ATP1A1: variants seen among roughly 807,000 people sequenced by gnomAD.
The protein encoded by ATP1A1 is ATPase Na+/K+ transporting subunit alpha 1.
ATP1A1 carries 14 observed loss-of-function variants against 114.8 expected under a neutral mutation model. The observed-to-expected ratio is 0.12, with a 90% CI of 0.08 to 0.19. The LOEUF is 0.19. Ranked by LOEUF, ATP1A1 falls within the 10% of genes least tolerant of loss-of-function variation. The pLI is 1.00. For missense variants in ATP1A1, 524 were observed against 1,290.7 expected (o/e 0.41, Z 9.10); for synonymous variants, 471 against 466.3 (o/e 1.01, Z -0.13).
Position 116,393,016 on chromosome 1 carries a change from G to T in ATP1A1, c.1467+28G>T. The T allele has an allele frequency of 6.2e-7, 1 of 1,611,254 alleles. No homozygotes were observed. Among genetic ancestry groups the T allele is most frequent in the Admixed American group, 1.7e-5 (1 of 59,732 alleles). On this transcript the variant is annotated intron_variant, in intron 11 of 22. Transcript: ENST00000295598. This position sits in a 1 kb window ranked among gnomAD's most constrained non-coding sequence, Gnocchi z 5.0. ...CTGAAGATCGATGGGTACACGGAGG[G>T]CGAGGGCAAGCTGGGGGACAAAGAG...
At position 116,399,690 on chromosome 1, in the gene ATP1A1, T is replaced by C; in HGVS notation, c.2572+147T>C. 3 of 1,170,652 alleles carry C rather than the reference T, an allele frequency of 2.6e-6. No individual in the cohort carries two copies. The highest frequency in any genetic ancestry group is 3.5e-6 in the Non-Finnish European group (3 of 853,764). 72.5% of individuals were successfully genotyped at this position (1,170,652 alleles called of 1,614,324 possible). A position where few individuals can be genotyped will look rare whatever the true frequency, so the allele number is the denominator to read the frequency against. ...GCCCTAACGGAGTGAGCCTGTGGAGTTTCTCTGAACTCTCTTCCATGTGAG... is the reference window on the plus strand; with the variant it reads ...GCCCTAACGGAGTGAGCCTGTGGAGCTTCTCTGAACTCTCTTCCATGTGAG... On this transcript the variant is annotated intron_variant, in intron 18 of 22. Transcript: ENST00000295598. The surrounding 1 kb of genome is among the most constrained non-coding windows in gnomAD (Gnocchi z 5.0).
rs372871986 is a variant in ATP1A1, at chr1:116,390,805, G to C, written c.1246G>C (p.Ala416Pro). ...QSGVSFDKTS[A>P]TWLALSRIAG... ...AGGTGTCTCTTTTGACAAGACTTCA[G>C]CTACCTGGCTTGCTCTGTCCAGAAT... Residue 416 changes from alanine to proline, a missense_variant, in exon 10 of 23, where the codon GCT becomes CCT. By Grantham distance (27) the Ala-to-Pro change is conservative. This residue lies in a region of ATP1A1 where 143 missense variants were observed against 259.3 expected (regional missense o/e 0.55). Transcript: ENST00000295598. The C allele has an allele frequency of 1.2e-5, 19 of 1,614,180 alleles. No individual in the cohort carries two copies. The highest frequency in any genetic ancestry group is 1.5e-5 in the Non-Finnish European group (18 of 1,180,016).
chr1:116,399,317 A>G lies in ATP1A1; in HGVS notation c.2449-103A>G, dbSNP rs1653228235. The G allele has an allele frequency of 6.7e-7, 1 of 1,483,298 alleles. No homozygotes were observed. The highest frequency in any genetic ancestry group is 1.3e-5 in the South Asian group (1 of 75,334). The allele number at this position is 1,483,298 out of a possible 1,614,324, so 91.9% of individuals were successfully genotyped here. ...ATCTTTATTTTTGTATACTTCACCT[A>G]AAAGATTTTTAAATGGGAGGGCAAG... On this transcript the variant is annotated intron_variant, in intron 17 of 22. Coordinates refer to ENST00000295598, the MANE Select transcript of ATP1A1 (RefSeq NM_000701.8). This position sits in a 1 kb window ranked among gnomAD's most constrained non-coding sequence, Gnocchi z 5.0.
intron 3 of ATP1A1, chr1:116,386,126 C>CAAAAAAAAA (rs59480092): frequency 8.3e-5 from 3 of 36,118 alleles, no homozygotes; most frequent in African/African-American, 1.7e-4. Context: ...AACTCCATCT[C>CAAAAAAAAA]AAAAAAAAAA....
In ATP1A1 at chr1:116,392,991, C is replaced by T. The variant is rs1476777573; in HGVS notation, c.1467+3C>T. 1 of 1,613,906 alleles carries T rather than the reference C, an allele frequency of 6.2e-7. No homozygotes were observed. Among genetic ancestry groups the T allele is most frequent in the East Asian group, 2.2e-5 (1 of 44,872 alleles). On this transcript the variant is annotated splice_donor_region_variant and intron_variant, in intron 11 of 22. Transcript: ENST00000295598. ...TCAACTCCACCAACAAGTACCAGGT[C>T]TGAAGATCGATGGGTACACGGAGGG...
At chr1:116,382,926 C>CTTA (rs1651838711) in intron 1 of ATP1A1, among the ~76,000 whole-genome samples, 2 of 152,044 alleles carry the variant, frequency 1.3e-5, no homozygotes, top group South Asian at 4.1e-4. Context: ...ACTTTTTGGC[C>CTTA]TTAAGTTGTA....
Position 116,393,399 on chromosome 1 carries a change from C to A in ATP1A1, c.1468-132C>A. 2.1e-6 allele frequency: 2 copies of A among 961,340 alleles called. No homozygotes were observed. Among genetic ancestry groups the A allele is most frequent in the African/African-American group, 1.6e-5 (1 of 60,750 alleles). The allele number at this position is 961,340 out of a possible 1,614,324, so 59.6% of individuals were successfully genotyped here. Reference sequence around the variant, plus strand: ...CAAAGTATGTTACAGGTGTAAGATACTTCAGAGTTCAGAAAGAAGGGATCT... The same window carrying A: ...CAAAGTATGTTACAGGTGTAAGATAATTCAGAGTTCAGAAAGAAGGGATCT... On this transcript the variant is annotated intron_variant, in intron 11 of 22. Transcript: ENST00000295598. The surrounding 1 kb of genome is among the most constrained non-coding windows in gnomAD (Gnocchi z 5.0).
Position 116,388,715 on chromosome 1 carries a change from A to G in ATP1A1, c.579A>G (p.Val193=). The part of the protein sequence containing the change: ...EEVVVGDLVE[V]KGGDRIPADL... The stretch of plus-strand genomic sequence containing the variant: ...TTGTGGTTGGGGATCTGGTGGAAGT[A>G]AAAGGAGGAGACCGAATTCCTGCTG... The change falls in exon 6 of 23, where the codon GTA becomes GTG. Residue 193 remains valine (V), a synonymous_variant. Transcript: ENST00000295598. This position sits in a 1 kb window ranked among gnomAD's most constrained non-coding sequence, Gnocchi z 5.6. The G allele has an allele frequency of 6.2e-7, 1 of 1,614,190 alleles. No homozygotes were observed. Among genetic ancestry groups the G allele is most frequent in the Non-Finnish European group, 8.5e-7 (1 of 1,180,040 alleles).
In ATP1A1 at chr1:116,389,380, C is replaced by T. The variant is rs545805673; in HGVS notation, c.755-59C>T. The T allele has an allele frequency of 7.6e-5, 121 of 1,589,468 alleles. 1 individual carries two copies. In the African/African-American group the frequency reaches 8.0e-4, roughly 10 times the overall value. ...TCATCCTATGTAATTGTGTAAAATCCGTGGCTTCCTTCAGGTTAGATACAA... is the reference window on the plus strand; with the variant it reads ...TCATCCTATGTAATTGTGTAAAATCTGTGGCTTCCTTCAGGTTAGATACAA... On this transcript the variant is annotated intron_variant, in intron 7 of 22. Coordinates refer to ENST00000295598, the MANE Select transcript of ATP1A1 (RefSeq NM_000701.8). This position sits in a 1 kb window ranked among gnomAD's most constrained non-coding sequence, Gnocchi z 6.9.
Position 116,384,620 on chromosome 1 carries a change from A to G in ATP1A1, c.124-163A>G, listed in dbSNP as rs1651958929. 6.6e-6 allele frequency among the ~76,000 whole-genome samples: 1 copy of G among 152,260 alleles called. No homozygotes were observed. The highest frequency in any genetic ancestry group is 1.5e-5 in the Non-Finnish European group (1 of 68,050). ...CTGTCAATGATAACTGTGTGGTTGC[A>G]AAGCCACAAAGCGATGGTGAAAATT... On this transcript the variant is annotated intron_variant, in intron 2 of 22. Coordinates refer to ENST00000295598, the MANE Select transcript of ATP1A1 (RefSeq NM_000701.8). This position sits in a 1 kb window ranked among gnomAD's most constrained non-coding sequence, Gnocchi z 5.1.
At chr1:116,396,450 C>A in intron 13 of ATP1A1, 148 bp from the exon 14 acceptor site, 3 of 1,014,200 alleles carry the variant, frequency 3.0e-6, no homozygotes, top group Non-Finnish European at 4.2e-6. Flanking sequence ...TTTGGCTAAT[C>A]GATGTTTATT....
intron 12 of ATP1A1, among the ~76,000 whole-genome samples, 191 bp from the exon 13 acceptor site, chr1:116,394,918 CT>C (rs1420384836): frequency 6.6e-6 from 1 of 152,122 alleles, no homozygotes; most frequent in East Asian, 1.9e-4. Context: ...CTTTCAAATG[CT>C]TTTTTTCTTT....
At chr1:116,396,032 C>T (rs1027245977) in intron 13 of ATP1A1, among the ~76,000 whole-genome samples, 23 of 152,150 alleles carry the variant, frequency 1.5e-4, no homozygotes, top group African/African-American at 9.7e-5. Flanking sequence ...GGGTTACAAG[C>T]GTGAGCCACC....
Position 116,388,154 on chromosome 1 carries a change from A to T in ATP1A1, c.411A>T (p.Ser137=). Reference sequence around the variant, plus strand: ...AGCTGTACCTGGGTGTGGTGCTATCAGCCGTTGTAATCATAACTGGTTGCT... The same window carrying T: ...AGCTGTACCTGGGTGTGGTGCTATCTGCCGTTGTAATCATAACTGGTTGCT... ...NDNLYLGVVL[S]AVVIITGCFS... Residue 137 remains serine, a synonymous_variant, in exon 5 of 23, where the codon TCA becomes TCT. Coordinates refer to ENST00000295598, the MANE Select transcript of ATP1A1 (RefSeq NM_000701.8). The surrounding 1 kb of genome is among the most constrained non-coding windows in gnomAD (Gnocchi z 5.6). The T allele has an allele frequency of 1.2e-6, 2 of 1,614,014 alleles. No individual in the cohort carries two copies.
Position 116,404,080 on chromosome 1 carries a change from T to C in ATP1A1, c.3043+105T>C, listed in dbSNP as rs1410399388. 4 of 1,098,182 alleles carry C rather than the reference T, an allele frequency of 3.6e-6. No homozygotes were observed. The East Asian group carries it at 9.5e-5, about 26-fold the overall frequency. The allele number at this position is 1,098,182 out of a possible 1,614,324, so 68.0% of individuals were successfully genotyped here. A position where few individuals can be genotyped will look rare whatever the true frequency, so the allele number is the denominator to read the frequency against. ...GTGTCTAGGCTCCCTCAGTGGTCAGTCTGATTAGCTAAGGTGACTGGACCA... is the reference window on the plus strand; with the variant it reads ...GTGTCTAGGCTCCCTCAGTGGTCAGCCTGATTAGCTAAGGTGACTGGACCA... On this transcript the variant is annotated intron_variant, in intron 22 of 22. Coordinates refer to ENST00000295598, the MANE Select transcript of ATP1A1 (RefSeq NM_000701.8). This position sits in a 1 kb window ranked among gnomAD's most constrained non-coding sequence, Gnocchi z 4.8.
rs753967764 is a variant in ATP1A1, at chr1:116,381,602, A to G, written c.13-2412A>G. Among the ~76,000 whole-genome samples the G allele has an allele frequency of 4.6e-5, 7 of 152,228 alleles. No homozygotes were observed. The highest frequency in any genetic ancestry group is 1.0e-4 in the Non-Finnish European group (7 of 68,044). Reference sequence around the variant, plus strand: ...GCATGAATGGATAAAGAAAAAGGAGAGTTATTAGGGAATCTAAATTCCCAA... The same window carrying G: ...GCATGAATGGATAAAGAAAAAGGAGGGTTATTAGGGAATCTAAATTCCCAA... On this transcript the variant is annotated intron_variant, in intron 1 of 22. Coordinates refer to ENST00000295598, the MANE Select transcript of ATP1A1 (RefSeq NM_000701.8). This position sits in a 1 kb window ranked among gnomAD's most constrained non-coding sequence, Gnocchi z 5.1.
chr1:116,380,126 T>G (rs962554828), intron 1 of ATP1A1, among the ~76,000 whole-genome samples: 4 of 152,240 alleles, frequency 2.6e-5, no homozygotes, highest in African/African-American at 9.6e-5. Context: ...TGAAAATGCC[T>G]TCTCTAGGTT....
chr1:116,390,705 C>CT, intron 9 of ATP1A1, 77 bp from the exon 10 acceptor site: 1 of 1,230,860 alleles, frequency 8.1e-7, no homozygotes, highest in Non-Finnish European at 1.2e-6. Flanking sequence ...TTCTATGGGA[C>CT]TTTAATAGGA....
Position 116,384,123 on chromosome 1 carries a change from TG to T in ATP1A1, c.123+1del. The T allele has an allele frequency of 6.2e-7, 1 of 1,611,032 alleles. No homozygotes were observed. The highest frequency in any genetic ancestry group is 8.5e-7 in the Non-Finnish European group (1 of 1,177,228). On this transcript the variant is annotated frameshift_variant and splice_region_variant, in exon 2 of 23. Coordinates refer to ENST00000295598, the MANE Select transcript of ATP1A1 (RefSeq NM_000701.8). LOFTEE classifies it high-confidence loss of function. The surrounding 1 kb of genome is among the most constrained non-coding windows in gnomAD (Gnocchi z 5.1). ...GATGAACTGAAGAAAGAAGTTTCTA[TG>T]GTAAGTACTAGGAGGAATATTGTAT... ...DMDELKKEVS[M>X]DDHKLSLDEL... is the part of the protein sequence containing the mutation.
Sources: allele counts gnomAD v4.1 joint callset (sites outside exome capture counted in the v4.1 genomes callset), GRCh38; gene constraint gnomAD v4.1.1; regional missense constraint gnomAD v4.1.1; non-coding constraint Gnocchi (gnomAD v3.1); transcripts MANE v1.5; gene names NCBI Gene and HGNC (gene_info 2026-07-23, HGNC 2026-07-21).